The following CYRIB variants were observed in gnomAD, a reference collection of about 807,000 sequenced individuals.
CYRIB encodes the protein CYFIP related Rac1 interactor B.
CYRIB carries 8 observed loss-of-function variants against 44.2 expected under a neutral mutation model. The observed-to-expected ratio is 0.18, with a 90% CI of 0.11 to 0.33. The LOEUF is 0.33. CYRIB is among the 10% of genes least tolerant of loss of function. The pLI is 1.00. For synonymous variants in CYRIB, 131 were observed against 127.2 expected (o/e 1.03, Z -0.20); for missense variants, 185 against 382.8 (o/e 0.48, Z 4.31).
rs181137783 is a variant in CYRIB, at chr8:129,936,898, G to A, written c.-50+2710C>T. 2.9e-3 allele frequency among the ~76,000 whole-genome samples: 442 copies of A among 151,908 alleles called. 4 individuals are homozygous for A. The highest frequency in any genetic ancestry group is 0.01 in the African/African-American group (429 of 41,430). Reference sequence around the variant, plus strand: ...ATTTTTTTGTATTTTTGGTAGAGACGGGGTTTCACCATGTTAGCCAGGATG... The same window carrying A: ...ATTTTTTTGTATTTTTGGTAGAGACAGGGTTTCACCATGTTAGCCAGGATG... On this transcript the variant is annotated intron_variant, in intron 1 of 11. Coordinates refer to ENST00000519824, the Ensembl canonical transcript of CYRIB.
chr8:129,861,593 C>T (rs141567324), intron 5 of CYRIB, among the ~76,000 whole-genome samples: 28 of 151,848 alleles, frequency 1.8e-4, no homozygotes, highest in African/African-American at 6.0e-4. Flanking sequence ...CATGTGCCAC[C>T]ACACTCAGCT....
In CYRIB at chr8:129,913,827, T is replaced by C. The variant is rs1169569555; in HGVS notation, c.-49-10477A>G. Among the ~76,000 whole-genome samples the C allele has an allele frequency of 2.0e-5, 3 of 152,226 alleles. No homozygotes were observed. The East Asian group carries it at 5.8e-4, about 29-fold the overall frequency. ...AGCATTTAAAACTGTCCCTGCCAGA[T>C]AAGGACTCTATAAATGAAAGTTGAT... On this transcript the variant is annotated intron_variant, in intron 1 of 11. Coordinates refer to ENST00000519824, the Ensembl canonical transcript of CYRIB.
intron 1 of CYRIB, among the ~76,000 whole-genome samples, chr8:130,007,919 G>A (rs1450781343): frequency 6.7e-6 from 1 of 148,850 alleles, no homozygotes; most frequent in Non-Finnish European, 1.5e-5. Context: ...TGTTAAGAGG[G>A]GCTTCCAGGC....
chr8:129,960,440 C>CA (rs879358856), intron 2 of CYRIB, among the ~76,000 whole-genome samples: 8 of 151,306 alleles, frequency 5.3e-5, no homozygotes, highest in Non-Finnish European at 1.0e-4. Flanking sequence ...ACTAAAAATA[C>CA]AAAAATTAGC....
chr8:129,986,416 C>T (rs1328854467), intron 1 of CYRIB, among the ~76,000 whole-genome samples: 1 of 152,192 alleles, frequency 6.6e-6, no homozygotes, highest in African/African-American at 2.4e-5. Context: ...ATTTGTCCCC[C>T]TCAAAATTCA....
At chr8:129,849,267 T>C in exon 10 of CYRIB, 1 of 1,601,620 alleles carries the variant, frequency 6.2e-7, no homozygotes, top group Non-Finnish European at 8.5e-7. Flanking sequence ...TTTTAGCAAA[T>C]GCTCCCACTG....
chr8:129,976,850 T>A (rs1267430070), intron 1 of CYRIB, among the ~76,000 whole-genome samples: 1 of 152,158 alleles, frequency 6.6e-6, no homozygotes, highest in Non-Finnish European at 1.5e-5. Flanking sequence ...TGGGGTTTTT[T>A]TTTAATTGAG....
At chr8:129,883,978 G>A (rs927400078) in intron 2 of CYRIB, among the ~76,000 whole-genome samples, 5 of 152,182 alleles carry the variant, frequency 3.3e-5, no homozygotes, top group South Asian at 2.1e-4. Context: ...AATGTGAGGC[G>A]TGGGCGGATG....
chr8:129,977,671 A>G (rs2095999930), intron 1 of CYRIB, among the ~76,000 whole-genome samples: 1 of 151,972 alleles, frequency 6.6e-6, no homozygotes, highest in Non-Finnish European at 1.5e-5. Context: ...AGCCGGGACT[A>G]CAGGCGCCCG....
At position 129,889,723 on chromosome 8, in the gene CYRIB, C is replaced by T. The variant is rs186145351; in HGVS notation, c.-10-10252G>A. Among the ~76,000 whole-genome samples the T allele has an allele frequency of 4.6e-4, 70 of 151,956 alleles. No homozygotes were observed. In the South Asian group the frequency reaches 0.01, roughly 22 times the overall value. On this transcript the variant is annotated intron_variant, in intron 2 of 11. Coordinates refer to ENST00000519824, the Ensembl canonical transcript of CYRIB. Reference sequence around the variant, plus strand: ...GGGCCTTTAAGATGTGACTGAATAGCTGCAATCTTATGATAAAAACTTGAG... The same window carrying T: ...GGGCCTTTAAGATGTGACTGAATAGTTGCAATCTTATGATAAAAACTTGAG...
chr8:130,002,337 T>C (rs1419761570), intron 1 of CYRIB, among the ~76,000 whole-genome samples: 1 of 152,138 alleles, frequency 6.6e-6, no homozygotes, highest in Non-Finnish European at 1.5e-5. Flanking sequence ...GGCATGCACC[T>C]GTGGTCCCAG....
At position 129,850,762 on chromosome 8, in the gene CYRIB, TATATGAACATGTTTTGAA is replaced by T. The variant is rs2042853110; in HGVS notation, c.713+55_713+72del. 11 of 1,029,580 alleles carry T rather than the reference TATATGAACATGTTTTGAA, an allele frequency of 1.1e-5. No individual in the cohort carries two copies. The South Asian group carries it at 1.5e-4, about 14-fold the overall frequency. 63.8% of individuals were successfully genotyped at this position (1,029,580 alleles called of 1,614,324 possible). On this transcript the variant is annotated intron_variant, in intron 9 of 11. Coordinates refer to ENST00000519824, the Ensembl canonical transcript of CYRIB. ...CAGATAAAACATGTTAACATGTTCATATATGAACATGTTTTGAAATATCAGTCATCTCAACAGCACTGT... is the reference window on the plus strand; with the variant it reads ...CAGATAAAACATGTTAACATGTTCATATATCAGTCATCTCAACAGCACTGT...
chr8:129,932,208 T>G (rs1443501926), intron 1 of CYRIB, among the ~76,000 whole-genome samples: 1 of 151,918 alleles, frequency 6.6e-6, no homozygotes, highest in Non-Finnish European at 1.5e-5. Context: ...CCATGTTGGG[T>G]AGGCTGCTTC....
chr8:129,848,735 ATTTT>A (rs1191521309), intron 10 of CYRIB, among the ~76,000 whole-genome samples: 2 of 141,314 alleles, frequency 1.4e-5, no homozygotes, highest in African/African-American at 5.2e-5. Context: ...CACCTGGCTA[ATTTT>A]TTTTTTTTTT....
chr8:129,932,892 T>C (rs1204301088), intron 1 of CYRIB, among the ~76,000 whole-genome samples: 3 of 152,166 alleles, frequency 2.0e-5, no homozygotes, highest in Non-Finnish European at 4.4e-5. Flanking sequence ...TACCTGTTAA[T>C]GAACAGGGTG....
At chr8:129,955,651 T>C (rs837226) in intron 2 of CYRIB, among the ~76,000 whole-genome samples, 85,733 of 152,080 alleles carry the variant, frequency 0.56, 26,460 homozygotes, top group East Asian at 0.75. Context: ...GAGGTTTGCA[T>C]AGCACTGTGT....
At chr8:129,951,269 G>C (rs189891685) in intron 2 of CYRIB, among the ~76,000 whole-genome samples, 1 of 151,622 alleles carries the variant, frequency 6.6e-6, no homozygotes, top group African/African-American at 2.4e-5. Context: ...GTGCCATTGC[G>C]CTCCAGTCTG....
chr8:129,991,971 A>AAAAAAAAT (rs994697259), intron 1 of CYRIB, among the ~76,000 whole-genome samples: 1 of 134,604 alleles, frequency 7.4e-6, no homozygotes, highest in Middle Eastern at 4.3e-3. Flanking sequence ...AAAAAAAAAA[A>AAAAAAAAT]ACAATAGGAA....
intron 5 of CYRIB, among the ~76,000 whole-genome samples, chr8:129,861,475 T>TGTC (rs2049502807): frequency 6.6e-6 from 1 of 152,316 alleles, no homozygotes; most frequent in South Asian, 2.1e-4. Flanking sequence ...GGTCTCACTT[T>TGTC]GTCGCCCAGG....
Sources: allele counts gnomAD v4.1 joint callset (sites outside exome capture counted in the v4.1 genomes callset), GRCh38; gene constraint gnomAD v4.1.1; transcripts MANE v1.5; gene names NCBI Gene and HGNC (gene_info 2026-07-23, HGNC 2026-07-21).